The following SCARB2 variants were observed in gnomAD, a reference collection of about 807,000 sequenced individuals.
The protein encoded by SCARB2 is lysosome membrane protein 2.
In SCARB2, 29 loss-of-function variants were observed where a neutral mutation model predicts 58.6. The observed-to-expected ratio is 0.49, with a 90% CI of 0.37 to 0.67. The LOEUF (loss-of-function observed/expected upper bound fraction) is 0.67, where lower values mean the gene tolerates loss of function less well. Among genes scored for constraint, SCARB2 ranks in the 30% least tolerant of loss-of-function variants. SCARB2 has a pLI of 0.00. For synonymous variants in SCARB2, 195 were observed against 210.1 expected, an observed-to-expected ratio of 0.93 and a Z score of 0.62; for missense variants, 488 against 578.5, an observed-to-expected ratio of 0.84 and a Z score of 1.60.
chr4:76,231,453 G>C (rs570816134), intron 1 of SCARB2, among the ~76,000 whole-genome samples: 2 of 152,308 alleles, frequency 1.3e-5, no homozygotes, highest in African/African-American at 4.8e-5. Flanking sequence ...CAACTAGTGA[G>C]TTTAGAATTT....
At position 76,175,858 on chromosome 4, in the gene SCARB2, C is replaced by CATCT. The variant is rs1270718154; in HGVS notation, c.753_756dup (p.Gly253ArgfsTer13). 1.9e-6 allele frequency: 3 copies of CATCT among 1,613,932 alleles called. No homozygotes were observed. The highest frequency in any genetic ancestry group is 2.5e-6 in the Non-Finnish European group (3 of 1,179,930). On this transcript the variant is annotated frameshift_variant, in exon 6 of 12. Transcript: ENST00000264896. LOFTEE classifies it high-confidence loss of function. ...GTTATTAGTGGGTGAAAAGAATCTC[C>CATCT]ATCTGTTCCATTAATCATATTGCAC...
chr4:76,162,951 T>C (rs1354284804), intron 11 of SCARB2: 2 of 597,578 alleles, frequency 3.3e-6, no homozygotes, highest in East Asian at 5.5e-5. Context: ...AGGTTATTGT[T>C]TTCAAAGACA....
In SCARB2 at chr4:76,159,512, A is replaced by G; in HGVS notation, c.*2201T>C. On this transcript the variant is annotated 3_prime_UTR_variant, in exon 12 of 12. Transcript: ENST00000264896. ...GCTGAGGTGGGCAGATCGCAGGGTC[A>G]GGAGATTGAGACCATCCTGGCCAAC... 1 of 152,448 alleles carries G rather than the reference A, an allele frequency of 6.6e-6. No homozygotes were observed. The highest frequency in any genetic ancestry group is 1.5e-5 in the Non-Finnish European group (1 of 68,110). 9.4% of individuals were successfully genotyped at this position (152,448 alleles called of 1,614,324 possible).
chr4:76,208,135 G>T (rs1295934149), intron 1 of SCARB2, among the ~76,000 whole-genome samples: 1 of 152,154 alleles, frequency 6.6e-6, no homozygotes, highest in Non-Finnish European at 1.5e-5. Flanking sequence ...AGCAAGTCTG[G>T]GATGGGGTCT....
chr4:76,208,188 A>G (rs1323556931), intron 1 of SCARB2, among the ~76,000 whole-genome samples: 2 of 152,192 alleles, frequency 1.3e-5, no homozygotes, highest in African/African-American at 2.4e-5. Flanking sequence ...TGCATCTCCT[A>G]GAGTCTAGGG....
upstream of SCARB2, among the ~76,000 whole-genome samples, chr4:76,218,499 C>T (rs926512932): frequency 2.6e-5 from 4 of 152,288 alleles, no homozygotes; most frequent in South Asian, 2.1e-4. Flanking sequence ...CCCTGTCTAC[C>T]GCCTCCTCCG....
intron 2 of SCARB2, among the ~76,000 whole-genome samples, chr4:76,184,964 T>C (rs1732457052): frequency 6.6e-6 from 1 of 152,214 alleles, no homozygotes; most frequent in Non-Finnish European, 1.5e-5. Flanking sequence ...ACCTACTTTA[T>C]AGCCTTCAAA....
At chr4:76,171,693 G>C (rs1189700107) in intron 7 of SCARB2, among the ~76,000 whole-genome samples, 1 of 151,664 alleles carries the variant, frequency 6.6e-6, no homozygotes, top group Non-Finnish European at 1.5e-5. Context: ...TTTGCTTTGA[G>C]CCAGATGCAC....
chr4:76,176,404 A>G, intron 5 of SCARB2, 33 bp downstream of exon 5: 2 of 1,493,540 alleles, frequency 1.3e-6, no homozygotes, highest in Non-Finnish European at 1.9e-6. Flanking sequence ...GAAAACTGAA[A>G]AAATAATTCC....
upstream of SCARB2, among the ~76,000 whole-genome samples, chr4:76,215,594 A>G (rs535906277): frequency 6.6e-6 from 1 of 152,340 alleles, no homozygotes; most frequent in Admixed American, 6.5e-5. Context: ...TTAAACCAAT[A>G]GAATACAGTG....
At chr4:76,175,335 G>T (rs1411113016) in intron 6 of SCARB2, 1 of 192,028 alleles carries the variant, frequency 5.2e-6, no homozygotes, top group African/African-American at 2.4e-5. Context: ...TCCATGTAGA[G>T]ACTACCTATT....
chr4:76,168,567 T>G (rs1245940647), intron 8 of SCARB2, 91 bp from the exon 9 acceptor site: 7 of 1,041,734 alleles, frequency 6.7e-6, no homozygotes, highest in Non-Finnish European at 1.0e-5. Context: ...GTAGTCCTCA[T>G]AAACAAGGTG....
intron 1 of SCARB2, 46 bp from the exon 2 acceptor site, chr4:76,195,910 T>C: frequency 6.5e-7 from 1 of 1,538,190 alleles, no homozygotes; most frequent in South Asian, 1.2e-5. Flanking sequence ...AAGGCAATAG[T>C]TGGCTTTAAA....
rs1005922854 is a variant in SCARB2 at position 76,224,717 on chromosome 4, T to C, written c.-358+9586A>G. Among the ~76,000 whole-genome samples, 3 of 152,132 alleles carry C rather than the reference T, an allele frequency of 2.0e-5. No individual in the cohort carries two copies. The East Asian group carries it at 5.8e-4, about 29-fold the overall frequency. ...AACTGGGACTACAGATGCAAGCCAC[T>C]AGGCCCAGCTAATTTTTGTTATTTT... On this transcript the variant is annotated intron_variant, in intron 1 of 11. Coordinates refer to the SCARB2 transcript ENST00000638295.
At chr4:76,233,161 T>A (rs1733521744) in intron 1 of SCARB2, among the ~76,000 whole-genome samples, 1 of 152,252 alleles carries the variant, frequency 6.6e-6, no homozygotes, top group African/African-American at 2.4e-5. Flanking sequence ...CATGTTGTAA[T>A]GGTAACTCCT....
intron 4 of SCARB2, among the ~76,000 whole-genome samples, chr4:76,178,715 G>A (rs1003076713): frequency 3.9e-5 from 6 of 152,114 alleles, no homozygotes; most frequent in Non-Finnish European, 8.8e-5. Flanking sequence ...AGTTGGTGAG[G>A]CCCTACTTTT....
At chr4:76,170,533 T>C (rs193301463) in intron 7 of SCARB2, among the ~76,000 whole-genome samples, 1 of 151,960 alleles carries the variant, frequency 6.6e-6, no homozygotes, top group African/African-American at 2.4e-5. Flanking sequence ...AAAAAATTTT[T>C]GGTGGTTTTT....
intron 8 of SCARB2, among the ~76,000 whole-genome samples, chr4:76,169,322 A>ACC (rs1649764609): frequency 7.2e-6 from 1 of 139,232 alleles, no homozygotes; most frequent in African/African-American, 3.0e-5. Flanking sequence ...TATTATACAC[A>ACC]CACACACACA....
intron 1 of SCARB2, among the ~76,000 whole-genome samples, chr4:76,232,056 CAGAT>C (rs1372685783): frequency 6.6e-6 from 1 of 152,150 alleles, no homozygotes; most frequent in Non-Finnish European, 1.5e-5. Context: ...TGAATACTCA[CAGAT>C]AGTTTTCAAA....
Sources: gnomAD v4.1 joint callset for allele counts (sites outside exome capture counted in the v4.1 genomes callset) on GRCh38, gnomAD v4.1.1 for gene constraint, MANE v1.5 for transcripts, NCBI Gene and HGNC (gene_info 2026-07-23, HGNC 2026-07-21) for gene names.